Variants in NOS3 observed in about 807,000 individuals in gnomAD.
The protein encoded by NOS3 is NOS type III.
Under a neutral mutation model 144.9 loss-of-function variants are expected in NOS3, and 98 were observed. The observed-to-expected ratio is 0.68, with a 90% CI of 0.57 to 0.80. The LOEUF is 0.80. Among genes scored for constraint, NOS3 ranks in the 30% least tolerant of loss-of-function variants. NOS3 has a pLI of 0.00. For missense variants in NOS3, 1,465 were observed against 1,656.4 expected (o/e 0.88, Z 2.01); for synonymous variants, 714 against 702.4 (o/e 1.02, Z -0.26).
chr7:151,014,236 A>G lies in NOS3; in HGVS notation c.*67A>G. 1 of 1,472,246 alleles carries G rather than the reference A, an allele frequency of 6.8e-7. No homozygotes were observed. Among genetic ancestry groups the G allele is most frequent in the East Asian group, 2.4e-5 (1 of 40,968 alleles). The allele number at this position is 1,472,246 out of a possible 1,614,324, so 91.2% of individuals were successfully genotyped here. On this transcript the variant is annotated 3_prime_UTR_variant, in exon 27 of 27. Coordinates refer to ENST00000297494, the MANE Select transcript of NOS3 (RefSeq NM_000603.5). ...CCCGACTCAGGTCCGCCCGACCAGG[A>G]TCAGCCCCGCTCCTCCCCTCTTGAG...
Position 151,013,819 on chromosome 7 carries a change from T to C in NOS3, c.3351T>C (p.Val1117=), listed in dbSNP as rs3918211. 9.3e-3 allele frequency: 14,989 copies of C among 1,609,760 alleles called. 938 individuals carry two copies. In the African/African-American group the frequency reaches 0.15, roughly 17 times the overall value. The change falls in exon 26 of 27, where the codon GTT becomes GTC. Residue 1117 remains valine, a synonymous_variant. Transcript: ENST00000297494. ...GCCACATGTTTGTCTGCGGCGATGTTACCATGGCAACCAACGTCCTGCAGA... is the reference window on the plus strand; with the variant it reads ...GCCACATGTTTGTCTGCGGCGATGTCACCATGGCAACCAACGTCCTGCAGA... The part of the protein sequence containing the change: ...ERGHMFVCGD[V]TMATNVLQTV...
chr7:151,001,279 A>G lies in NOS3; in HGVS notation c.1282A>G (p.Met428Val), dbSNP rs764129734. The G allele has an allele frequency of 4.2e-5, 68 of 1,613,790 alleles. 2 individuals carry two copies. In the South Asian group the frequency reaches 6.4e-4, roughly 15 times the overall value. Residue 428 changes from methionine (M) to valine (V), a missense_variant, in exon 11 of 27, where the codon ATG becomes GTG. By Grantham distance (21) the Met-to-Val change is conservative. This residue lies in a region of NOS3 where 745 missense variants were observed against 853.9 expected (regional missense o/e 0.87). Coordinates refer to ENST00000297494, the MANE Select transcript of NOS3 (RefSeq NM_000603.5). ...VDHHAATASF[M>V]KHLENEQKAR... is the part of the protein sequence containing the mutation. Reference sequence around the variant, plus strand: ...CCACCACGCCGCCACGGCCTCTTTCATGAAGCACCTGGAGAATGAGCAGAA... The same window carrying G: ...CCACCACGCCGCCACGGCCTCTTTCGTGAAGCACCTGGAGAATGAGCAGAA...
At chr7:151,009,114 C>A (rs1251153264) in intron 18 of NOS3, 52 bp downstream of exon 18, 11 of 1,613,304 alleles carry the variant, frequency 6.8e-6, no homozygotes, top group Non-Finnish European at 9.3e-6. Flanking sequence ...CCCCCACACC[C>A]CGGGACTAAA....
At chr7:150,991,583 A>T (rs1802255854) in intron 1 of NOS3, among the ~76,000 whole-genome samples, 1 of 152,196 alleles carries the variant, frequency 6.6e-6, no homozygotes, top group Non-Finnish European at 1.5e-5. Context: ...GGTAGTGCCA[A>T]AGCGTAAGGT....
Position 150,993,591 on chromosome 7 carries a change from C to T in NOS3, c.-51-162C>T, listed in dbSNP as rs1802300661. Among the ~76,000 whole-genome samples, 1 of 152,092 alleles carries T rather than the reference C, an allele frequency of 6.6e-6. No homozygotes were observed. ...CTCACAGCGGAACCCAGGCGTCCGG[C>T]CCCCCACCCTTCAGGCCAGCGGGCG... On this transcript the variant is annotated intron_variant, in intron 1 of 26. Coordinates refer to ENST00000297494, the MANE Select transcript of NOS3 (RefSeq NM_000603.5). This position sits in a 1 kb window ranked among gnomAD's most constrained non-coding sequence, Gnocchi z 4.0.
In NOS3 at chr7:151,006,457, G is replaced by A. The variant is rs747428331; in HGVS notation, c.1783G>A (p.Gly595Ser). 4.2e-5 allele frequency: 68 copies of A among 1,613,790 alleles called. No individual in the cohort carries two copies. Among genetic ancestry groups the A allele is most frequent in the Middle Eastern group, 1.6e-4 (1 of 6,080 alleles). Residue 595 changes from glycine (G) to serine (S), a missense_variant, in exon 15 of 27, where the codon GGC (glycine) becomes AGC (serine). Gly to Ser is a moderately conservative substitution (Grantham distance 56). Coordinates refer to ENST00000297494, the MANE Select transcript of NOS3 (RefSeq NM_000603.5). ...SFAAALMEMS[G>S]PYNSSPRPEQ... The stretch of plus-strand genomic sequence containing the variant: ...TGCAGCTGCCCTGATGGAGATGTCC[G>A]GCCCCTACAACAGCTCCCCTCGGCC...
In NOS3 at chr7:151,014,341, C is replaced by T. The variant is rs1795392972; in HGVS notation, c.*172C>T. ...AGGAAGGAGCAAAACGCCTCTTTTCCCTCTCTAGGCCTGTTGCCTCGGGCC... is the reference window on the plus strand; with the variant it reads ...AGGAAGGAGCAAAACGCCTCTTTTCTCTCTCTAGGCCTGTTGCCTCGGGCC... On this transcript the variant is annotated 3_prime_UTR_variant, in exon 27 of 27. Transcript: ENST00000297494. The T allele has an allele frequency of 2.8e-6, 2 of 707,176 alleles. No homozygotes were observed. The highest frequency in any genetic ancestry group is 4.5e-6 in the Non-Finnish European group (2 of 446,040). 43.8% of individuals were successfully genotyped at this position (707,176 alleles called of 1,614,324 possible).
In NOS3 at chr7:151,001,997, G is replaced by T. The variant is rs747288324; in HGVS notation, c.1647+32G>T. ...CTGAGCCCAGGGGAGCAGGGAGCTAGAAAGAGGGGGCTCTATCAGCATCTT... is the reference window on the plus strand; with the variant it reads ...CTGAGCCCAGGGGAGCAGGGAGCTATAAAGAGGGGGCTCTATCAGCATCTT... On this transcript the variant is annotated intron_variant, in intron 13 of 26. Coordinates refer to ENST00000297494, the MANE Select transcript of NOS3 (RefSeq NM_000603.5). 4 of 1,610,910 alleles carry T rather than the reference G, an allele frequency of 2.5e-6. No homozygotes were observed. In the African/African-American group the frequency reaches 5.3e-5, roughly 21 times the overall value.
intron 18 of NOS3, 41 bp from the exon 19 acceptor site, chr7:151,009,148 C>T (rs117950441): frequency 1.2e-6 from 2 of 1,613,202 alleles, no homozygotes; most frequent in Admixed American, 1.7e-5. Context: ...AGGCCCTGCT[C>T]CCTAGCTCAG....
rs960600983 is a variant in NOS3 at position 150,993,573 on chromosome 7, C to T, written c.-51-180C>T. 3.3e-5 allele frequency among the ~76,000 whole-genome samples: 5 copies of T among 152,092 alleles called. No individual in the cohort carries two copies. The highest frequency in any genetic ancestry group is 3.9e-4 in the East Asian group (2 of 5,182). On this transcript the variant is annotated intron_variant, in intron 1 of 26. Transcript: ENST00000297494. This position sits in a 1 kb window ranked among gnomAD's most constrained non-coding sequence, Gnocchi z 4.0. ...CACTTATCAGCCTCAGTCCTCACAGCGGAACCCAGGCGTCCGGCCCCCCAC... is the reference window on the plus strand; with the variant it reads ...CACTTATCAGCCTCAGTCCTCACAGTGGAACCCAGGCGTCCGGCCCCCCAC...
intron 14 of NOS3, 84 bp from the exon 15 acceptor site, chr7:151,006,339 TAATG>T (rs1795205904): frequency 7.8e-6 from 7 of 897,778 alleles, no homozygotes; most frequent in South Asian, 2.9e-5. Flanking sequence ...AAATCAATAA[TAATG>T]AGGATCAGCT....
intron 14 of NOS3, among the ~76,000 whole-genome samples, chr7:151,004,225 T>A (rs1795172487): frequency 6.6e-6 from 1 of 152,160 alleles, no homozygotes; most frequent in Non-Finnish European, 1.5e-5. Flanking sequence ...TAGTCCTAGC[T>A]ACTCAGGAGG....
At chr7:151,009,889 A>G (rs1484686705) in intron 20 of NOS3, among the ~76,000 whole-genome samples, 1 of 152,138 alleles carries the variant, frequency 6.6e-6, no homozygotes, top group African/African-American at 2.4e-5. Flanking sequence ...CTGCCACATC[A>G]ATGCCTGGGC....
chr7:151,006,791 AGAG>A, intron 15 of NOS3, 95 bp from the exon 16 acceptor site: 1 of 980,292 alleles, frequency 1.0e-6, no homozygotes. Flanking sequence ...TTCCTGTCCC[AGAG>A]GCAGAGACCC....
Position 151,010,169 on chromosome 7 carries a change from G to A in NOS3, c.2567G>A (p.Arg856His), listed in dbSNP as rs201579252. ...RDPRLPPCTL[R>H]QALTFFLDIT... ...CCCCGGCTGCCCCCGTGCACGCTGC[G>A]CCAGGCTCTCACCTTCTTCCTGGAC... is the stretch of plus-strand genomic sequence containing the variant. The change falls in exon 21 of 27, where the codon CGC becomes CAC. Residue 856 changes from arginine (R) to histidine (H), a missense_variant. Physicochemically the swap from Arg to His is conservative, Grantham distance 29. Coordinates refer to ENST00000297494, the MANE Select transcript of NOS3 (RefSeq NM_000603.5). The A allele has an allele frequency of 7.3e-5, 117 of 1,611,172 alleles. 1 individual carries two copies. The East Asian group carries it at 2.0e-3, about 28-fold the overall frequency.
chr7:151,014,043 C>T lies in NOS3; in HGVS notation c.3486C>T (p.Leu1162=), dbSNP rs1351506130. Residue 1162 remains leucine, a synonymous_variant, in exon 27 of 27, where the codon CTC becomes CTT. Coordinates refer to ENST00000297494, the MANE Select transcript of NOS3 (RefSeq NM_000603.5). ...QQRYHEDIFG[L]TLRTQEVTSR... ...GCTACCACGAAGACATTTTCGGGCT[C>T]ACGCTGCGCACCCAGGAGGTGACAA... is the stretch of plus-strand genomic sequence containing the variant. The T allele has an allele frequency of 1.2e-6, 2 of 1,613,518 alleles. No individual in the cohort carries two copies. The highest frequency in any genetic ancestry group is 1.7e-6 in the Non-Finnish European group (2 of 1,179,774).
Position 150,993,846 on chromosome 7 carries a change from T to C in NOS3, c.43T>C (p.Cys15Arg), listed in dbSNP as rs745489730. Reference sequence around the variant, plus strand: ...CGTGGCCCAGGAGCCTGGGCCACCCTGCGGCCTGGGGCTGGGGCTGGGCCT... The same window carrying C: ...CGTGGCCCAGGAGCCTGGGCCACCCCGCGGCCTGGGGCTGGGGCTGGGCCT... ...KSVAQEPGPP[C>R]GLGLGLGLGL... Residue 15 changes from cysteine (C) to arginine (R), a missense_variant, in exon 2 of 27, where the codon TGC (cysteine) becomes CGC (arginine). By Grantham distance (180) the Cys-to-Arg change is radical (BLOSUM62 -3). Around this residue, in one of 5 missense-constraint regions of NOS3, gnomAD observed 374 missense variants for 377.0 expected, o/e 0.99. Transcript: ENST00000297494. This position sits in a 1 kb window ranked among gnomAD's most constrained non-coding sequence, Gnocchi z 4.0. The C allele has an allele frequency of 1.2e-6, 2 of 1,601,916 alleles. No homozygotes were observed. The highest frequency in any genetic ancestry group is 1.7e-6 in the Non-Finnish European group (2 of 1,176,728).
At chr7:151,013,966 T>G in intron 26 of NOS3, 42 bp from the exon 27 acceptor site, 1 of 1,606,408 alleles carries the variant, frequency 6.2e-7, no homozygotes, top group Non-Finnish European at 8.5e-7. Flanking sequence ...CCTGCTAAGG[T>G]CTCCGAGTCG....
chr7:150,999,235 G>T lies in NOS3; in HGVS notation c.1002G>T (p.Pro334=), dbSNP rs753573625. 2.5e-5 allele frequency: 40 copies of T among 1,611,730 alleles called. No homozygotes were observed. The highest frequency in any genetic ancestry group is 3.3e-5 in the Non-Finnish European group (39 of 1,179,618). ...AALGLRWYAL[P]AVSNMLLEIG... is the part of the protein sequence containing the mutation. ...TGGGCCTGCGCTGGTACGCCCTCCC[G>T]GCAGTGTCCAACATGCTGCTGGAAA... The change falls in exon 9 of 27, where the codon CCG becomes CCT. Residue 334 remains proline, a synonymous_variant. Transcript: ENST00000297494.
Sources: gnomAD v4.1 joint callset for allele counts (sites outside exome capture counted in the v4.1 genomes callset) on GRCh38, gnomAD v4.1.1 for gene constraint, gnomAD v4.1.1 regional missense constraint, Gnocchi (gnomAD v3.1) non-coding constraint, MANE v1.5 for transcripts, NCBI Gene and HGNC (gene_info 2026-07-23, HGNC 2026-07-21) for gene names.